Variants in MYO10 observed in about 807,000 individuals in gnomAD.
MYO10 encodes unconventional myosin-X.
Under a neutral mutation model 257.3 loss-of-function variants are expected in MYO10, and 133 were observed. That is an observed-to-expected ratio of 0.52 (90% confidence interval 0.45 to 0.60). The LOEUF is 0.60. MYO10 is among the 20% of genes least tolerant of loss of function. MYO10 has a pLI of 0.00. For missense variants in MYO10, 2,399 were observed against 2,635.7 expected (o/e 0.91, Z 1.97); for synonymous variants, 1,104 against 1,028.6 (o/e 1.07, Z -1.40).
At chr5:16,835,642 C>T (rs1252308424) in intron 2 of MYO10, among the ~76,000 whole-genome samples, 1 of 151,280 alleles carries the variant, frequency 6.6e-6, no homozygotes, top group Admixed American at 6.6e-5. Flanking sequence ...TAATTATCTC[C>T]CCACACTCTT....
intron 2 of MYO10, among the ~76,000 whole-genome samples, chr5:16,827,146 T>G (rs566912815): frequency 6.6e-6 from 1 of 152,176 alleles, no homozygotes; most frequent in Non-Finnish European, 1.5e-5. Context: ...GAGAATTTCA[T>G]TGGAATCTAA....
intron 9 of MYO10, among the ~76,000 whole-genome samples, chr5:16,778,009 C>G (rs974126223): frequency 6.6e-6 from 1 of 151,822 alleles, no homozygotes; most frequent in East Asian, 1.9e-4. Context: ...CCACCATATC[C>G]AGCTAATTTT....
At chr5:16,929,597 T>C (rs371486595) in intron 1 of MYO10, among the ~76,000 whole-genome samples, 7 of 152,198 alleles carry the variant, frequency 4.6e-5, no homozygotes, top group East Asian at 1.9e-4. Flanking sequence ...ATGGATTGGG[T>C]ATAATTATAG....
chr5:16,904,265 C>T (rs547158970), intron 1 of MYO10, among the ~76,000 whole-genome samples: 6 of 152,288 alleles, frequency 3.9e-5, no homozygotes, highest in South Asian at 2.1e-4. Context: ...TAGCCCTATG[C>T]GCCTCTTCAT....
At chr5:16,845,585 G>A (rs1047564691) in intron 2 of MYO10, among the ~76,000 whole-genome samples, 1 of 152,090 alleles carries the variant, frequency 6.6e-6, no homozygotes, top group Admixed American at 6.6e-5. Flanking sequence ...AGGATTGCTT[G>A]AGCCCAGGAG....
At chr5:16,814,028 T>A (rs2126700285) in intron 3 of MYO10, among the ~76,000 whole-genome samples, 1 of 152,266 alleles carries the variant, frequency 6.6e-6, no homozygotes, top group Middle Eastern at 3.4e-3. Context: ...AACGACACAA[T>A]GAGCAGGAAA....
chr5:16,748,426 G>T (rs1241348885), intron 19 of MYO10, among the ~76,000 whole-genome samples: 1 of 151,886 alleles, frequency 6.6e-6, no homozygotes, highest in Non-Finnish European at 1.5e-5. Flanking sequence ...TGTTTTTTTG[G>T]TAGAGATGGG....
intron 1 of MYO10, among the ~76,000 whole-genome samples, chr5:16,887,624 G>C (rs562427456): frequency 6.6e-6 from 1 of 152,096 alleles, no homozygotes; most frequent in Non-Finnish European, 1.5e-5. Flanking sequence ...CCAAGTAGCT[G>C]GGGCTACAGG....
intron 33 of MYO10, among the ~76,000 whole-genome samples, chr5:16,676,937 T>C (rs766897668): frequency 6.6e-6 from 1 of 152,262 alleles, no homozygotes; most frequent in Non-Finnish European, 1.5e-5. Context: ...CTATAGTTCA[T>C]TTCATAAACA....
chr5:16,902,495 T>A, intron 1 of MYO10: 1 of 1,550,634 alleles, frequency 6.4e-7, no homozygotes, highest in Non-Finnish European at 8.8e-7. Flanking sequence ...TGTCCCTGAC[T>A]GCTGCGGCCT....
At chr5:16,855,220 T>C (rs956975353) in intron 2 of MYO10, among the ~76,000 whole-genome samples, 1 of 152,200 alleles carries the variant, frequency 6.6e-6, no homozygotes, top group African/African-American at 2.4e-5. Context: ...CAATAATGAA[T>C]ACTCAAGAGT....
At chr5:16,693,486 C>G (rs1737599271) in intron 27 of MYO10, among the ~76,000 whole-genome samples, 1 of 152,224 alleles carries the variant, frequency 6.6e-6, no homozygotes, top group Admixed American at 6.5e-5. Flanking sequence ...CCCTTACAAT[C>G]AAATACATAA....
intron 9 of MYO10, among the ~76,000 whole-genome samples, chr5:16,772,168 T>G (rs1334884910): frequency 6.6e-6 from 1 of 152,024 alleles, no homozygotes; most frequent in African/African-American, 2.4e-5. Flanking sequence ...GTTTCACTCT[T>G]GTTGCCCAGG....
intron 2 of MYO10, among the ~76,000 whole-genome samples, chr5:16,844,972 A>G (rs1320200810): frequency 6.6e-6 from 1 of 151,794 alleles, no homozygotes; most frequent in East Asian, 1.9e-4. Context: ...ACACACACAC[A>G]CACACAGTGT....
chr5:16,914,340 C>T (rs917448313), intron 1 of MYO10, among the ~76,000 whole-genome samples: 1 of 152,192 alleles, frequency 6.6e-6, no homozygotes, highest in Non-Finnish European at 1.5e-5. Flanking sequence ...TCCCAAGGAC[C>T]TTCAGGAGCT....
At chr5:16,696,161 T>C (rs1306831015) in intron 26 of MYO10, among the ~76,000 whole-genome samples, 3 of 152,134 alleles carry the variant, frequency 2.0e-5, no homozygotes, top group African/African-American at 4.8e-5. Context: ...ATCTAATTGA[T>C]TAATTAGATT....
intron 1 of MYO10, among the ~76,000 whole-genome samples, chr5:16,927,596 T>C (rs1371950076): frequency 6.6e-6 from 1 of 152,182 alleles, no homozygotes; most frequent in Non-Finnish European, 1.5e-5. Flanking sequence ...AGTGCTGAGA[T>C]TACAGGCTTG....
intron 3 of MYO10, among the ~76,000 whole-genome samples, chr5:16,812,912 T>C (rs1023512487): frequency 2.7e-5 from 4 of 148,250 alleles, no homozygotes; most frequent in Admixed American, 6.7e-5. Flanking sequence ...AACTTGACTA[T>C]TCTGGGTGCT....
At chr5:16,704,477 C>T (rs189617777) in intron 22 of MYO10, 102 bp downstream of exon 22, 158 of 952,784 alleles carry the variant, frequency 1.7e-4, no homozygotes, top group Middle Eastern at 1.4e-3. Context: ...CCTGAGGCTC[C>T]CCTCAATTCA....
Sources: gnomAD v4.1 joint callset for allele counts (sites outside exome capture counted in the v4.1 genomes callset) on GRCh38, gnomAD v4.1.1 for gene constraint, MANE v1.5 for transcripts, NCBI Gene and HGNC (gene_info 2026-07-23, HGNC 2026-07-21) for gene names.